Variants in MAGEC3 observed in about 807,000 individuals in gnomAD.
The protein encoded by MAGEC3 is MAGE family member C3.
A neutral mutation model predicts 35.3 loss-of-function variants in MAGEC3; 34 were observed. The ratio of observed to expected loss-of-function variants is 0.96; its 90% CI spans 0.73 to 1.28. MAGEC3 has a LOEUF of 1.28. Ranked by LOEUF, MAGEC3 falls within the 50% of genes most tolerant of loss-of-function variation. The pLI is 0.00. For synonymous variants in MAGEC3, 202 were observed against 185.6 expected (o/e 1.09, Z -0.72); for missense variants, 561 against 483.6 (o/e 1.16, Z -1.50).
At chrX:141,863,982 G>A (rs984684563) in intron 1 of MAGEC3, among the ~76,000 whole-genome samples, 13 of 111,707 alleles carry the variant, frequency 1.2e-4, no homozygotes, top group African/African-American at 4.2e-4. Context: ...GGGACTTGGA[G>A]GAGGCTGTTA....
At chrX:141,891,560 T>C (rs2018041180) in intron 4 of MAGEC3, among the ~76,000 whole-genome samples, 1 of 108,827 alleles carries the variant, frequency 9.2e-6, no homozygotes, top group South Asian at 3.9e-4. Flanking sequence ...CTCTGCAAAG[T>C]TCCTCCAAAA....
At chrX:141,883,610 A>G (rs367603957) in intron 4 of MAGEC3, among the ~76,000 whole-genome samples, 1 of 112,265 alleles carries the variant, frequency 8.9e-6, no homozygotes, top group East Asian at 2.8e-4. Context: ...TGATATTTGT[A>G]TTGGGATTTT....
Position 141,838,444 on chromosome X carries a change from G to A in MAGEC3, c.123+6G>A. The A allele has an allele frequency of 8.3e-7, 1 of 1,205,434 alleles. No individual in the cohort carries two copies. On this transcript the variant is annotated splice_donor_region_variant and intron_variant, in intron 1 of 7. Coordinates refer to ENST00000298296, the MANE Select transcript of MAGEC3 (RefSeq NM_138702.1). The stretch of plus-strand genomic sequence containing the variant: ...TGCTCCCACCTCAGCCCCAGGTGTG[G>A]TAGCCCATGAATGCTCATGTCTAAG...
intron 2 of MAGEC3, among the ~76,000 whole-genome samples, chrX:141,867,389 T>C (rs2017855852): frequency 1.8e-5 from 2 of 111,524 alleles, no homozygotes. Context: ...TGCCTGCAGC[T>C]GCAGGAAGAT....
chrX:141,849,638 T>A lies in MAGEC3; in HGVS notation c.123+11200T>A, dbSNP rs1483627630. 4.5e-5 allele frequency among the ~76,000 whole-genome samples: 5 copies of A among 110,511 alleles called. No homozygotes were observed. The South Asian group carries it at 1.9e-3, about 42-fold the overall frequency. ...GAAAGTAGCCAACAAACACGAAAAA[T>A]TGCTCAGCATCACAAATCATCAGAG... On this transcript the variant is annotated intron_variant, in intron 1 of 7. Transcript: ENST00000298296.
chrX:141,894,778 C>A, intron 4 of MAGEC3: 3 of 967,899 alleles, frequency 3.1e-6, no homozygotes, highest in Non-Finnish European at 4.0e-6. Flanking sequence ...TTGCTGTCAC[C>A]CCTGGACAAA....
intron 4 of MAGEC3, among the ~76,000 whole-genome samples, chrX:141,890,459 A>G (rs2018033211): frequency 9.2e-6 from 1 of 108,685 alleles, no homozygotes; most frequent in African/African-American, 3.6e-5. Flanking sequence ...TGCCCGCCGC[A>G]GTCTCCCAAA....
intron 7 of MAGEC3, 55 bp from the exon 8 acceptor site, chrX:141,897,574 C>T (rs891995647): frequency 6.7e-6 from 8 of 1,192,920 alleles, no homozygotes; most frequent in African/African-American, 3.5e-5. Context: ...CCTGGAGTAC[C>T]GGGAGGTGCC....
Position 141,881,666 on chromosome X carries a change from GTGAGGGGAGTCTGAGTGA to G in MAGEC3, c.784_801del (p.Gly262_Glu267del), listed in dbSNP as rs753907076. 24 of 1,209,757 alleles carry G rather than the reference GTGAGGGGAGTCTGAGTGA, an allele frequency of 2.0e-5. No individual in the cohort carries two copies. The highest frequency in any genetic ancestry group is 6.6e-5 in the Admixed American group (3 of 45,764). ...TTTGTAAACACATTAGACCTCACCT[GTGAGGGGAGTCTGAGTGA>G]TGAGCAGGGCATGCCCCAGAACCGC... is the stretch of plus-strand genomic sequence containing the variant. On this transcript the variant is annotated inframe_deletion, in exon 4 of 8. Coordinates refer to ENST00000298296, the MANE Select transcript of MAGEC3 (RefSeq NM_138702.1).
chrX:141,880,810 G>T (rs2017957220), intron 3 of MAGEC3: 2 of 1,114,237 alleles, frequency 1.8e-6, no homozygotes, highest in Non-Finnish European at 2.4e-6. Context: ...AGGCCCTAGA[G>T]CACCACCTTA....
At chrX:141,882,716 C>T (rs769902791) in intron 4 of MAGEC3, among the ~76,000 whole-genome samples, 2 of 111,857 alleles carry the variant, frequency 1.8e-5, no homozygotes, top group South Asian at 3.7e-4. Flanking sequence ...CATTTGCTTG[C>T]GGAGGGGACT....
chrX:141,875,753 A>G (rs974995657), intron 2 of MAGEC3, among the ~76,000 whole-genome samples: 1 of 111,912 alleles, frequency 8.9e-6, no homozygotes, highest in African/African-American at 3.3e-5. Flanking sequence ...GAACAACTCC[A>G]TGAAGATAAT....
chrX:141,847,819 C>A (rs1420919633), intron 1 of MAGEC3, among the ~76,000 whole-genome samples: 2 of 110,398 alleles, frequency 1.8e-5, no homozygotes, highest in Non-Finnish European at 3.8e-5. Context: ...AAAAGAAGAG[C>A]AAATTAAATC....
intron 4 of MAGEC3, among the ~76,000 whole-genome samples, chrX:141,893,681 T>C (rs373335424): frequency 1.4e-3 from 123 of 89,107 alleles, no homozygotes; most frequent in African/African-American, 4.9e-3. Flanking sequence ...TGTGTCTGTG[T>C]GCGTGCATAG....
chrX:141,892,818 C>G (rs2018052802), intron 4 of MAGEC3, among the ~76,000 whole-genome samples: 1 of 111,285 alleles, frequency 9.0e-6, no homozygotes, highest in Non-Finnish European at 1.9e-5. Flanking sequence ...CTAAAAGTAC[C>G]AGCTACCTAA....
Position 141,868,878 on chromosome X carries a change from A to ATTTATT in MAGEC3, c.258+3289_258+3294dup, listed in dbSNP as rs765451016. 1.8e-3 allele frequency among the ~76,000 whole-genome samples: 193 copies of ATTTATT among 106,697 alleles called. 1 individual carries two copies. Among genetic ancestry groups the ATTTATT allele is most frequent in the Non-Finnish European group, 3.1e-3 (161 of 51,782 alleles). The allele number at this position is 106,697 out of a possible 115,157, so 92.7% of individuals were successfully genotyped here. A position where few individuals can be genotyped will look rare whatever the true frequency, so the allele number is the denominator to read the frequency against. On this transcript the variant is annotated intron_variant, in intron 2 of 7. Coordinates refer to ENST00000298296, the MANE Select transcript of MAGEC3 (RefSeq NM_138702.1). ...ATTTTATTTATTTATTTATTTATTTATTTATTTTTATTTTTATTTTTGACA... is the reference window on the plus strand; with the variant it reads ...ATTTTATTTATTTATTTATTTATTTATTTATTTTTATTTTTATTTTTATTTTTGACA...
intron 2 of MAGEC3, among the ~76,000 whole-genome samples, chrX:141,874,727 C>A (rs1316372260): frequency 9.1e-6 from 1 of 109,593 alleles, no homozygotes; most frequent in Admixed American, 9.7e-5. Flanking sequence ...AACAGGTACC[C>A]TCAGTCATTG....
chrX:141,843,633 T>G (rs1206006768), intron 1 of MAGEC3, among the ~76,000 whole-genome samples: 1 of 110,707 alleles, frequency 9.0e-6, no homozygotes, highest in East Asian at 2.9e-4. Context: ...GACATTCTCT[T>G]AAGAAATTGA....
rs946606524 is a variant in MAGEC3 at position 141,890,169 on chromosome X, T to A, written c.910-5100T>A. Reference sequence around the variant, plus strand: ...ATGTACATCTGTCCTATTAGTTCTGTCCCTCTAGAGAACCCTGACTAATAC... The same window carrying A: ...ATGTACATCTGTCCTATTAGTTCTGACCCTCTAGAGAACCCTGACTAATAC... On this transcript the variant is annotated intron_variant, in intron 4 of 7. Transcript: ENST00000298296. Among the ~76,000 whole-genome samples, 3 of 111,165 alleles carry A rather than the reference T, an allele frequency of 2.7e-5. No individual in the cohort carries two copies. The Admixed American group carries it at 2.9e-4, about 11-fold the overall frequency.
Sources: allele counts gnomAD v4.1 joint callset (sites outside exome capture counted in the v4.1 genomes callset), GRCh38; gene constraint gnomAD v4.1.1; transcripts MANE v1.5; gene names NCBI Gene and HGNC (gene_info 2026-07-23, HGNC 2026-07-21).